The following C4orf54 variants were observed in gnomAD, a reference collection of about 807,000 sequenced individuals.
C4orf54 encodes uncharacterized protein C4orf54.
Under a neutral mutation model 80.1 loss-of-function variants are expected in C4orf54, and 67 were observed. The observed-to-expected ratio is 0.84, with a 90% CI of 0.69 to 1.03. C4orf54 has a LOEUF of 1.03. Ranked by LOEUF, C4orf54 falls within the 50% of genes least tolerant of loss-of-function variation. C4orf54 has a pLI of 0.00. For synonymous variants in C4orf54, 1,000 were observed against 917.0 expected (o/e 1.09, Z -1.64); for missense variants, 2,434 against 2,253.5 (o/e 1.08, Z -1.62).
Position 99,649,870 on chromosome 4 carries a change from A to G in C4orf54, c.4779T>C (p.Ala1593=). The G allele has an allele frequency of 1.3e-6, 2 of 1,531,346 alleles. No individual in the cohort carries two copies. The highest frequency in any genetic ancestry group is 1.7e-6 in the Non-Finnish European group (2 of 1,143,054). 94.9% of individuals were successfully genotyped at this position (1,531,346 alleles called of 1,614,324 possible). Residue 1593 remains alanine, a synonymous_variant, in exon 2 of 3, where the codon GCT becomes GCC. Transcript: ENST00000511828. The part of the protein sequence containing the change: ...SMPAPAPAAS[A]PVPTDPFQQA... ...GCTGGAAGGGGTCTGTGGGGACGGG[A>G]GCTGAGGCTGCAGGTGCTGGGGCAG...
rs1263122220 is a variant in C4orf54 at position 99,643,789 on chromosome 4, CA to C, written c.*37-2594del. On this transcript the variant is annotated intron_variant, in intron 2 of 2. Transcript: ENST00000511828. ...ACACACACACACACACACACACACA[CA>C]CACCCCCTCCGCGGCAGTAAAACGG... Among the ~76,000 whole-genome samples the C allele has an allele frequency of 4.2e-3, 526 of 124,518 alleles. 6 individuals are homozygous for C. The highest frequency in any genetic ancestry group is 6.4e-3 in the Non-Finnish European group (383 of 59,768). 81.7% of individuals were successfully genotyped at this position (124,518 alleles called of 152,430 possible).
intron 2 of C4orf54, among the ~76,000 whole-genome samples, chr4:99,641,417 G>A (rs1726605555): frequency 6.6e-6 from 1 of 152,100 alleles, no homozygotes; most frequent in African/African-American, 2.4e-5. Context: ...ATTGCCCCAA[G>A]TGGAATTTGA....
chr4:99,650,278 G>A lies in C4orf54; in HGVS notation c.4371C>T (p.Gly1457=). ...CACTGTTGCTCTTCTCCAAATTGCT[G>A]CCACTTTTCCTGTTGGTCACCTCAT... ...PPDEVTNRKS[G]SNLEKSNSDC... is the part of the protein sequence containing the mutation. The change falls in exon 2 of 3, where the codon GGC becomes GGT. Residue 1457 remains glycine (G), a synonymous_variant. Transcript: ENST00000511828. 6.5e-7 allele frequency: 1 copy of A among 1,536,096 alleles called. No individual in the cohort carries two copies. Among genetic ancestry groups the A allele is most frequent in the Non-Finnish European group, 8.7e-7 (1 of 1,146,908 alleles).
Position 99,650,217 on chromosome 4 carries a change from T to G in C4orf54, c.4432A>C (p.Ser1478Arg). ...ENYLTIPLKG[S>R]SAAGELLSRP... is the part of the protein sequence containing the mutation. The stretch of plus-strand genomic sequence containing the variant: ...CTAAGAAGCTCCCCTGCAGCAGAGC[T>G]TCCTTTAAGAGGGATGGTCAGGTAA... The change falls in exon 2 of 3, where the codon AGC becomes CGC. Residue 1478 changes from serine to arginine, a missense_variant. Coordinates refer to ENST00000511828, the MANE Select transcript of C4orf54 (RefSeq NM_001354435.2). 2 of 1,536,062 alleles carry G rather than the reference T, an allele frequency of 1.3e-6. No individual in the cohort carries two copies. The highest frequency in any genetic ancestry group is 1.7e-6 in the Non-Finnish European group (2 of 1,146,882).
In C4orf54 at chr4:99,652,858, G is replaced by C; in HGVS notation, c.1791C>G (p.Ile597Met). 6.5e-7 allele frequency: 1 copy of C among 1,536,094 alleles called. No homozygotes were observed. The highest frequency in any genetic ancestry group is 2.4e-5 in the East Asian group (1 of 40,902). ...AGTAGTCCACCAGCTCCTTCGCCCG[G>C]ATGGCCCCGCACCTGGTTTGCAGGC... ...PARLQTRCGA[I>M]RAKELVDYSS... Residue 597 changes from isoleucine to methionine, a missense_variant, in exon 2 of 3, where the codon ATC (isoleucine) becomes ATG (methionine). Coordinates refer to ENST00000511828, the MANE Select transcript of C4orf54 (RefSeq NM_001354435.2).
Position 99,653,658 on chromosome 4 carries a change from C to A in C4orf54, c.991G>T (p.Gly331Ter). 1 of 1,524,374 alleles carries A rather than the reference C, an allele frequency of 6.6e-7. No homozygotes were observed. 94.4% of individuals were successfully genotyped at this position (1,524,374 alleles called of 1,614,324 possible). Reference sequence around the variant, plus strand: ...CCTCCTCCCCCTCCTCCTTTTCCTCCTCCCCCTCCTCCTGATATTTTCTCT... The same window carrying A: ...CCTCCTCCCCCTCCTCCTTTTCCTCATCCCCCTCCTCCTGATATTTTCTCT... ...EGEKISGGGG[G>*]GKGGGGGGAG... is the part of the protein sequence containing the mutation. Residue 331 changes from glycine (G) to a stop codon, truncating the protein, a stop_gained, in exon 2 of 3, where the codon GGA (glycine) becomes TGA (stop). Coordinates refer to ENST00000511828, the MANE Select transcript of C4orf54 (RefSeq NM_001354435.2). LOFTEE classifies it high-confidence loss of function.
chr4:99,652,036 C>T lies in C4orf54; in HGVS notation c.2613G>A (p.Glu871=), dbSNP rs1726848311. Residue 871 remains glutamate, a synonymous_variant, in exon 2 of 3, where the codon GAG becomes GAA. Coordinates refer to ENST00000511828, the MANE Select transcript of C4orf54 (RefSeq NM_001354435.2). The stretch of plus-strand genomic sequence containing the variant: ...TGACCACTGTGTACTCGGAGCCGGC[C>T]TCGGAGTGACGAGAGCTCTGCCTCT... The part of the protein sequence containing the change: ...GLQRQSSRHS[E]AGSEYTVVSM... 1 of 1,536,110 alleles carries T rather than the reference C, an allele frequency of 6.5e-7. No homozygotes were observed.
chr4:99,649,671 T>C lies in C4orf54; in HGVS notation c.4978A>G (p.Ile1660Val). 6.5e-7 allele frequency: 1 copy of C among 1,536,074 alleles called. No homozygotes were observed. Among genetic ancestry groups the C allele is most frequent in the South Asian group, 1.2e-5 (1 of 84,054 alleles). The change falls in exon 2 of 3, where the codon ATC (isoleucine) becomes GTC (valine). Residue 1660 changes from isoleucine (I) to valine (V), a missense_variant. Ile to Val is a conservative substitution (Grantham distance 29). Transcript: ENST00000511828. ...SQQQAVAPMS[I>V]SVPPLALSPG... ...CTCAGGGCCAAGGGAGGCACAGAGATGGACATGGGAGCCACAGCCTGCTGC... is the reference window on the plus strand; with the variant it reads ...CTCAGGGCCAAGGGAGGCACAGAGACGGACATGGGAGCCACAGCCTGCTGC...
chr4:99,650,805 AG>A lies in C4orf54; in HGVS notation c.3843del (p.Leu1282CysfsTer3), dbSNP rs1726805297. 6.5e-7 allele frequency: 1 copy of A among 1,536,154 alleles called. No individual in the cohort carries two copies. Among genetic ancestry groups the A allele is most frequent in the South Asian group, 1.2e-5 (1 of 84,062 alleles). ...ACGTGGCTGTCCATCATCATAGGCAAGGGGTCGCTTTTGCGCTTCCACTCGT... is the reference window on the plus strand; with the variant it reads ...ACGTGGCTGTCCATCATCATAGGCAAGGGTCGCTTTTGCGCTTCCACTCGT... ...NRNEWKRKSD[P>X]LPMMMDSHVL... On this transcript the variant is annotated frameshift_variant, in exon 2 of 3. Transcript: ENST00000511828. LOFTEE classifies it high-confidence loss of function.
Position 99,653,472 on chromosome 4 carries a change from C to T in C4orf54, c.1177G>A (p.Asp393Asn), listed in dbSNP as rs545127115. The T allele has an allele frequency of 2.6e-6, 4 of 1,536,094 alleles. No homozygotes were observed. In the African/African-American group the frequency reaches 5.5e-5, roughly 21 times the overall value. Residue 393 changes from aspartate to asparagine, a missense_variant, in exon 2 of 3, where the codon GAT (aspartate) becomes AAT (asparagine). Physicochemically the swap from Asp to Asn is conservative, Grantham distance 23 (BLOSUM62 1). Coordinates refer to ENST00000511828, the MANE Select transcript of C4orf54 (RefSeq NM_001354435.2). ...TAGATCACGTTGTTGTCCTCGAAAT[C>T]CCAGCGGGAGGCCAGTCCCACGTCG... The part of the protein sequence containing the change: ...DFDVGLASRW[D>N]FEDNNVIYSF...
Position 99,651,161 on chromosome 4 carries a change from T to C in C4orf54, c.3488A>G (p.Glu1163Gly). The change falls in exon 2 of 3, where the codon GAA (glutamate) becomes GGA (glycine). Residue 1163 changes from glutamate to glycine, a missense_variant. Glu to Gly is a moderately conservative substitution (Grantham distance 98). Transcript: ENST00000511828. Reference sequence around the variant, plus strand: ...CCTGGGCTCTCGGTCCATGCTGTCTTCCCTCTGGTTCACTACAGCCTGGCA... The same window carrying C: ...CCTGGGCTCTCGGTCCATGCTGTCTCCCCTCTGGTTCACTACAGCCTGGCA... ...ITCQAVVNQR[E>G]DSMDREPRES... 1 of 1,536,080 alleles carries C rather than the reference T, an allele frequency of 6.5e-7. No individual in the cohort carries two copies. The highest frequency in any genetic ancestry group is 8.7e-7 in the Non-Finnish European group (1 of 1,146,912).
At chr4:99,645,064 C>G (rs551841098) in intron 2 of C4orf54, among the ~76,000 whole-genome samples, 1 of 151,614 alleles carries the variant, frequency 6.6e-6, no homozygotes. Flanking sequence ...ATGTAGTGAC[C>G]CCATCTCTAA....
At position 99,650,010 on chromosome 4, in the gene C4orf54, G is replaced by C. The variant is rs764366225; in HGVS notation, c.4639C>G (p.Pro1547Ala). The C allele has an allele frequency of 3.3e-6, 5 of 1,535,196 alleles. No homozygotes were observed. Among genetic ancestry groups the C allele is most frequent in the African/African-American group, 2.7e-5 (2 of 72,960 alleles). The change falls in exon 2 of 3, where the codon CCA becomes GCA. Residue 1547 changes from proline (P) to alanine (A), a missense_variant. Transcript: ENST00000511828. ...DNPRETVAAP[P>A]GPQSPEHPPT... ...GGATGCTCGGGGCTCTGTGGCCCTG[G>C]GGGGGCAGCTACTGTCTCCCGGGGG...
At chr4:99,646,329 T>G (rs1291661913) in intron 2 of C4orf54, among the ~76,000 whole-genome samples, 1 of 152,214 alleles carries the variant, frequency 6.6e-6, no homozygotes, top group African/African-American at 2.4e-5. Flanking sequence ...ACACAGTGGC[T>G]CGTAGAATGT....
chr4:99,657,446 A>G (rs547471951), intron 1 of C4orf54, among the ~76,000 whole-genome samples, 49 bp downstream of exon 1: 8 of 152,320 alleles, frequency 5.3e-5, no homozygotes, highest in African/African-American at 1.9e-4. Context: ...CCCTAGTTAA[A>G]ACTCCCCAAG....
chr4:99,654,175 C>G lies in C4orf54; in HGVS notation c.474G>C (p.Gln158His), dbSNP rs1393154896. Residue 158 changes from glutamine (Q) to histidine (H), a missense_variant, in exon 2 of 3, where the codon CAG becomes CAC. Physicochemically the swap from Gln to His is conservative, Grantham distance 24 (BLOSUM62 0). Transcript: ENST00000511828. ...TGCTCACCCCGTCCCCCACCTCCGC[C>G]TGTCTTGCTTTCGAATTCAGCTCAG... ...APPELNSKARQAEVGDGVSSA... is the reference protein window; with the variant it reads ...APPELNSKARHAEVGDGVSSA... 1.3e-6 allele frequency: 2 copies of G among 1,536,102 alleles called. No individual in the cohort carries two copies. The highest frequency in any genetic ancestry group is 1.7e-6 in the Non-Finnish European group (2 of 1,146,934).
Position 99,651,518 on chromosome 4 carries a change from T to C in C4orf54, c.3131A>G (p.Asn1044Ser), listed in dbSNP as rs546195688. ...GSVQQPSSDF[N>S]IAKLLTPKLA... ...CTTGGGCGTGAGCAACTTGGCAATG[T>C]TGAAGTCTGAGCTCGGCTGCTGCAC... Residue 1044 changes from asparagine to serine, a missense_variant, in exon 2 of 3, where the codon AAC becomes AGC. Transcript: ENST00000511828. 2.4e-5 allele frequency: 37 copies of C among 1,536,194 alleles called. No individual in the cohort carries two copies. In the East Asian group the frequency reaches 8.1e-4, roughly 34 times the overall value.
chr4:99,645,077 A>C (rs1229303397), intron 2 of C4orf54, among the ~76,000 whole-genome samples: 1 of 152,066 alleles, frequency 6.6e-6, no homozygotes, highest in Non-Finnish European at 1.5e-5. Flanking sequence ...ATCTCTAAAA[A>C]AGAAAAAGAC....
Position 99,650,379 on chromosome 4 carries a change from G to A in C4orf54, c.4270C>T (p.Pro1424Ser). The A allele has an allele frequency of 6.5e-7, 1 of 1,536,076 alleles. No homozygotes were observed. The highest frequency in any genetic ancestry group is 1.2e-5 in the South Asian group (1 of 84,054). ...GACTTGATGCCCTTAGCTGCTGAAG[G>A]ACTCTCCGGAGAAGGCCCTTGTGGG... Reference protein sequence around the residue: ...KFPQGPSPESPSAAKGIKSQG... With the variant: ...KFPQGPSPESSSAAKGIKSQG... Residue 1424 changes from proline (P) to serine (S), a missense_variant, in exon 2 of 3, where the codon CCT (proline) becomes TCT (serine). Pro to Ser is a moderately conservative substitution (Grantham distance 74). Coordinates refer to ENST00000511828, the MANE Select transcript of C4orf54 (RefSeq NM_001354435.2).
Sources: allele counts gnomAD v4.1 joint callset (sites outside exome capture counted in the v4.1 genomes callset), GRCh38; gene constraint gnomAD v4.1.1; transcripts MANE v1.5; gene names NCBI Gene and HGNC (gene_info 2026-07-23, HGNC 2026-07-21).